Variants in GSTCD observed in about 807,000 individuals in gnomAD.
The protein encoded by GSTCD is glutathione S-transferase C-terminal domain containing.
A neutral mutation model predicts 68.3 loss-of-function variants in GSTCD; 44 were observed. That is an observed-to-expected ratio of 0.64 (90% CI 0.51 to 0.83). The LOEUF is 0.83. Among genes scored for constraint, GSTCD ranks in the 40% least tolerant of loss-of-function variants. The pLI, the probability that GSTCD is intolerant of heterozygous loss-of-function variation, is 0.00. For missense variants in GSTCD, 739 were observed against 735.9 expected, an observed-to-expected ratio of 1.00 and a Z score of -0.05; for synonymous variants, 273 against 255.2, an observed-to-expected ratio of 1.07 and a Z score of -0.67.
At chr4:105,769,650 A>G (rs1353295685) in intron 5 of GSTCD, among the ~76,000 whole-genome samples, 2 of 152,150 alleles carry the variant, frequency 1.3e-5, no homozygotes, top group Non-Finnish European at 2.9e-5. Flanking sequence ...CCTGGCTGGT[A>G]TAGTTTATAA....
chr4:105,840,293 C>G (rs1724286472), intron 10 of GSTCD: 4 of 419,956 alleles, frequency 9.5e-6, no homozygotes, highest in South Asian at 5.1e-5. Context: ...TCATGTAATT[C>G]TAAATTTTCC....
chr4:105,778,019 A>G (rs1357901050), intron 5 of GSTCD, among the ~76,000 whole-genome samples: 1 of 152,152 alleles, frequency 6.6e-6, no homozygotes, highest in Admixed American at 6.5e-5. Flanking sequence ...AGAAGAGGGA[A>G]TGATTAGTTC....
chr4:105,762,424 A>G (rs1734449521), intron 5 of GSTCD, among the ~76,000 whole-genome samples: 1 of 152,216 alleles, frequency 6.6e-6, no homozygotes, highest in Non-Finnish European at 1.5e-5. Flanking sequence ...AAAGTGATAA[A>G]CACTTAAAAT....
chr4:105,825,602 A>G (rs982875134), intron 7 of GSTCD, 70 bp from the exon 8 acceptor site: 8 of 856,782 alleles, frequency 9.3e-6, no homozygotes, highest in Non-Finnish European at 1.5e-5. Flanking sequence ...TATGAAATAT[A>G]GTGATAATGC....
chr4:105,832,120 G>T (rs1723920943), intron 8 of GSTCD, among the ~76,000 whole-genome samples: 1 of 152,072 alleles, frequency 6.6e-6, no homozygotes, highest in African/African-American at 2.4e-5. Context: ...TCCTATGTGT[G>T]ATGAGAGGAA....
chr4:105,719,511 G>T lies in GSTCD; in HGVS notation c.878G>T (p.Cys293Phe), dbSNP rs745723934. 6 of 1,612,926 alleles carry T rather than the reference G, an allele frequency of 3.7e-6. No individual in the cohort carries two copies. The highest frequency in any genetic ancestry group is 1.7e-5 in the Admixed American group (1 of 59,950). ...CTGGCAGATATTGTGCTCTTGCCCT[G>T]TATCCATCATTTCTTGGTAAGGTTT... ...FTLADIVLLP[C>F]IHHFLVIISR... The change falls in exon 3 of 12, where the codon TGT becomes TTT. Residue 293 changes from cysteine (C) to phenylalanine (F), a missense_variant. Transcript: ENST00000515279.
chr4:105,777,103 T>A (rs550629363), intron 5 of GSTCD, among the ~76,000 whole-genome samples: 1 of 152,360 alleles, frequency 6.6e-6, no homozygotes, highest in Admixed American at 6.5e-5. Context: ...GGGAGTTTTG[T>A]GAGTTACCAT....
intron 5 of GSTCD, among the ~76,000 whole-genome samples, chr4:105,757,574 G>A (rs1025133804): frequency 6.6e-6 from 1 of 151,976 alleles, no homozygotes; most frequent in African/African-American, 2.4e-5. Flanking sequence ...TCACACAAAT[G>A]TTATTTTTGC....
intron 5 of GSTCD, among the ~76,000 whole-genome samples, chr4:105,773,141 G>T (rs1168267812): frequency 1.3e-5 from 2 of 152,166 alleles, no homozygotes; most frequent in African/African-American, 4.8e-5. Context: ...TAGTTTATTT[G>T]TATAGAGGTG....
rs537719144 is a variant in GSTCD at position 105,841,101 on chromosome 4, G to A, written c.1696-964G>A. On this transcript the variant is annotated intron_variant, in intron 10 of 11. Coordinates refer to ENST00000515279, the MANE Select transcript of GSTCD (RefSeq NM_001370181.1). ...GAGGCAGAGGCGGGCAGATCACAAGGTCAGGAGTTCGAAACCAGCCTGGCC... is the reference window on the plus strand; with the variant it reads ...GAGGCAGAGGCGGGCAGATCACAAGATCAGGAGTTCGAAACCAGCCTGGCC... Among the ~76,000 whole-genome samples, 4 of 152,164 alleles carry A rather than the reference G, an allele frequency of 2.6e-5. No individual in the cohort carries two copies. In the South Asian group the frequency reaches 8.3e-4, roughly 32 times the overall value.
chr4:105,767,684 A>G (rs1418518712), intron 5 of GSTCD, among the ~76,000 whole-genome samples: 1 of 152,216 alleles, frequency 6.6e-6, no homozygotes, highest in Non-Finnish European at 1.5e-5. Context: ...AAAAAAACAA[A>G]AACTATAAGC....
Position 105,726,656 on chromosome 4 carries a change from AG to A in GSTCD, c.973del (p.Val325CysfsTer4). On this transcript the variant is annotated frameshift_variant, in exon 4 of 12. Transcript: ENST00000515279. LOFTEE classifies it high-confidence loss of function. Reference protein sequence around the residue: ...LASWYQRIQEVPGVKTAASKC... With the variant: ...LASWYQRIQEXPGVKTAASKC... ...CCTCTTGGTACCAGAGGATTCAGGAAGTGCCAGGAGTAAAAACAGCAGCTTC... is the reference window on the plus strand; with the variant it reads ...CCTCTTGGTACCAGAGGATTCAGGAATGCCAGGAGTAAAAACAGCAGCTTC... 1 of 1,613,832 alleles carries A rather than the reference AG, an allele frequency of 6.2e-7. No homozygotes were observed. The highest frequency in any genetic ancestry group is 8.5e-7 in the Non-Finnish European group (1 of 1,179,840).
chr4:105,734,712 A>G (rs748538507), intron 5 of GSTCD, among the ~76,000 whole-genome samples: 5 of 152,026 alleles, frequency 3.3e-5, no homozygotes, highest in African/African-American at 9.7e-5. Context: ...TCTTTGTTCT[A>G]TTGCTGGGTA....
chr4:105,723,850 C>G (rs1366823533), intron 3 of GSTCD, among the ~76,000 whole-genome samples: 1 of 151,676 alleles, frequency 6.6e-6, no homozygotes, highest in Non-Finnish European at 1.5e-5. Flanking sequence ...TTGAAAAATA[C>G]TGACTGAGGG....
intron 5 of GSTCD, among the ~76,000 whole-genome samples, chr4:105,767,215 G>A (rs1029245834): frequency 6.6e-6 from 1 of 152,076 alleles, no homozygotes; most frequent in Non-Finnish European, 1.5e-5. Context: ...ACAGTTGACC[G>A]CATGTGATTG....
chr4:105,721,196 A>G (rs576030688), intron 3 of GSTCD, among the ~76,000 whole-genome samples: 59 of 151,070 alleles, frequency 3.9e-4, no homozygotes, highest in African/African-American at 1.4e-3. Flanking sequence ...CTGCTTTCGA[A>G]CTCCTGACCT....
chr4:105,810,284 T>C (rs1722701079), intron 5 of GSTCD, among the ~76,000 whole-genome samples: 1 of 152,138 alleles, frequency 6.6e-6, no homozygotes, highest in Non-Finnish European at 1.5e-5. Context: ...ATCATATATA[T>C]GTGGGATTTA....
chr4:105,836,712 T>G (rs1724136601), intron 9 of GSTCD, among the ~76,000 whole-genome samples: 1 of 152,212 alleles, frequency 6.6e-6, no homozygotes, highest in South Asian at 2.1e-4. Context: ...GGGCTCAGCC[T>G]CAACTTTTGG....
chr4:105,808,850 C>T (rs1357452647), intron 5 of GSTCD, among the ~76,000 whole-genome samples: 1 of 152,082 alleles, frequency 6.6e-6, no homozygotes, highest in Non-Finnish European at 1.5e-5. Context: ...CATTCCTTTG[C>T]CCAGCAAATC....
Sources: allele counts gnomAD v4.1 joint callset (sites outside exome capture counted in the v4.1 genomes callset), GRCh38; gene constraint gnomAD v4.1.1; transcripts MANE v1.5; gene names NCBI Gene and HGNC (gene_info 2026-07-23, HGNC 2026-07-21).